The following AGO3 variants were observed in gnomAD, a reference collection of about 807,000 sequenced individuals.
The protein encoded by AGO3 is protein argonaute-3.
In AGO3, 16 loss-of-function variants were observed where a neutral mutation model predicts 105.5. The observed-to-expected ratio is 0.15, with a 90% CI of 0.10 to 0.23. The LOEUF is 0.23. Among genes scored for constraint, AGO3 ranks in the 10% least tolerant of loss-of-function variants. The probability of loss-of-function intolerance (pLI) is 1.00; values close to 1 mark genes in which losing one functional copy is unlikely to be tolerated. For synonymous variants in AGO3, 340 were observed against 367.3 expected, an observed-to-expected ratio of 0.93 and a Z score of 0.85; for missense variants, 534 against 1,088.0, an observed-to-expected ratio of 0.49 and a Z score of 7.16.
At position 35,931,461 on chromosome 1, in the gene AGO3, T is replaced by C; in HGVS notation, c.19+16T>C. 1 of 1,506,232 alleles carries C rather than the reference T, an allele frequency of 6.6e-7. No homozygotes were observed. Among genetic ancestry groups the C allele is most frequent in the Non-Finnish European group, 8.9e-7 (1 of 1,125,776 alleles). 93.3% of individuals were successfully genotyped at this position (1,506,232 alleles called of 1,614,324 possible). On this transcript the variant is annotated intron_variant, in intron 1 of 18. Transcript: ENST00000373191. ...GGCTCCGCAGGTGAGTCAGAGTAGC[T>C]GGGCCAGGTAGGGGATGTCACCCAG...
intron 9 of AGO3, among the ~76,000 whole-genome samples, chr1:36,010,736 G>A (rs1257072509): frequency 2.0e-5 from 3 of 151,818 alleles, no homozygotes; most frequent in African/African-American, 4.8e-5. Context: ...GAGAAACTCC[G>A]TGTCTACTAA....
rs187831332 is a variant in AGO3 at position 35,937,259 on chromosome 1, C to G, written c.19+5814C>G. 2.0e-5 allele frequency among the ~76,000 whole-genome samples: 3 copies of G among 151,986 alleles called. No individual in the cohort carries two copies. In the East Asian group the frequency reaches 5.8e-4, roughly 29 times the overall value. On this transcript the variant is annotated intron_variant, in intron 1 of 18. Coordinates refer to ENST00000373191, the MANE Select transcript of AGO3 (RefSeq NM_024852.4). ...TCTACTAAAAATACAAAAAATTAGCCGGGCATAGTGGCGGGTGCCTGTAAT... is the reference window on the plus strand; with the variant it reads ...TCTACTAAAAATACAAAAAATTAGCGGGGCATAGTGGCGGGTGCCTGTAAT...
chr1:35,971,046 T>A (rs11809890), intron 3 of AGO3, among the ~76,000 whole-genome samples: 8,252 of 123,400 alleles, frequency 0.067, 782 homozygotes, highest in African/African-American at 0.21. Flanking sequence ...ATATATATAT[T>A]TTTTATTATA....
At chr1:36,020,378 G>A (rs1329503072) in intron 11 of AGO3, among the ~76,000 whole-genome samples, 4 of 152,054 alleles carry the variant, frequency 2.6e-5, no homozygotes, top group African/African-American at 4.8e-5. Flanking sequence ...TATTTTCTTG[G>A]TATTCATTTA....
intron 12 of AGO3, among the ~76,000 whole-genome samples, chr1:36,028,391 T>TCCCCCCCCCCCCCCC (rs771926822): frequency 1.4e-4 from 8 of 57,156 alleles, no homozygotes; most frequent in South Asian, 7.2e-4. Flanking sequence ...ATGCTATCCC[T>TCCCCCCCCCCCCCCC]CCCCCCCCCC....
At position 36,067,882 on chromosome 1, in the gene AGO3, C is replaced by A. The variant is rs1643114899; in HGVS notation, c.*12137C>A. 6.6e-6 allele frequency: 1 copy of A among 151,606 alleles called. No individual in the cohort carries two copies. Among genetic ancestry groups the A allele is most frequent in the African/African-American group, 2.4e-5 (1 of 41,322 alleles). The allele number at this position is 151,606 out of a possible 1,614,324, so 9.4% of individuals were successfully genotyped here. A position where few individuals can be genotyped will look rare whatever the true frequency, so the allele number is the denominator to read the frequency against. ...ACTTAGAGGCAGTTGATATAGAATT[C>A]TACTGGGGGTAAATGACACTCTCAA... is the stretch of plus-strand genomic sequence containing the variant. On this transcript the variant is annotated 3_prime_UTR_variant, in exon 19 of 19. Coordinates refer to ENST00000373191, the MANE Select transcript of AGO3 (RefSeq NM_024852.4).
At chr1:36,052,591 T>C (rs1439612192) in intron 17 of AGO3, among the ~76,000 whole-genome samples, 1 of 152,218 alleles carries the variant, frequency 6.6e-6, no homozygotes, top group African/African-American at 2.4e-5. Context: ...GATATCCTAA[T>C]TACCCTGATT....
rs1472541213 is a variant in AGO3 at position 36,070,163 on chromosome 1, C to T, written c.*14418C>T. 1 of 152,184 alleles carries T rather than the reference C, an allele frequency of 6.6e-6. No homozygotes were observed. The highest frequency in any genetic ancestry group is 1.9e-4 in the East Asian group (1 of 5,202). The allele number at this position is 152,184 out of a possible 1,614,324, so 9.4% of individuals were successfully genotyped here. A position where few individuals can be genotyped will look rare whatever the true frequency, so the allele number is the denominator to read the frequency against. ...GTTAGCATCAGAGGCTATTGTACAA[C>T]TAGATGGTTATTCCCTGTTTCTTGG... On this transcript the variant is annotated 3_prime_UTR_variant, in exon 19 of 19. Coordinates refer to ENST00000373191, the MANE Select transcript of AGO3 (RefSeq NM_024852.4).
rs948129106 is a variant in AGO3, at chr1:36,062,007, C to A, written c.*6262C>A. 6.6e-6 allele frequency: 1 copy of A among 152,060 alleles called. No individual in the cohort carries two copies. The highest frequency in any genetic ancestry group is 1.5e-5 in the Non-Finnish European group (1 of 67,998). The allele number at this position is 152,060 out of a possible 1,614,324, so 9.4% of individuals were successfully genotyped here. A position where few individuals can be genotyped will look rare whatever the true frequency, so the allele number is the denominator to read the frequency against. ...GAAAACAAAATATTTAGTAGAATTA[C>A]CTCTTTTAATTCCCAACTGTGTTGG... is the stretch of plus-strand genomic sequence containing the variant. On this transcript the variant is annotated 3_prime_UTR_variant, in exon 19 of 19. Coordinates refer to ENST00000373191, the MANE Select transcript of AGO3 (RefSeq NM_024852.4).
intron 17 of AGO3, among the ~76,000 whole-genome samples, chr1:36,053,463 T>C (rs966983538): frequency 3.3e-5 from 5 of 152,052 alleles, no homozygotes; most frequent in Non-Finnish European, 7.4e-5. Context: ...GTATTTGTAG[T>C]AGAGAGGGGG....
At chr1:35,939,751 A>G (rs1355222859) in intron 1 of AGO3, among the ~76,000 whole-genome samples, 2 of 152,086 alleles carry the variant, frequency 1.3e-5, no homozygotes, top group African/African-American at 2.4e-5. Flanking sequence ...CTTTTTTATG[A>G]TATTTTACTA....
chr1:35,932,437 C>T lies in AGO3; in HGVS notation c.19+992C>T, dbSNP rs116427804. On this transcript the variant is annotated intron_variant, in intron 1 of 18. Coordinates refer to ENST00000373191, the MANE Select transcript of AGO3 (RefSeq NM_024852.4). ...TTTTGCCAATTTGATATAAGAAAAA[C>T]TTACGTAAAAGAAACCAGTGACATA... Among the ~76,000 whole-genome samples the T allele has an allele frequency of 6.3e-3, 955 of 152,158 alleles. 7 individuals carry two copies. Among genetic ancestry groups the T allele is most frequent in the African/African-American group, 0.022 (911 of 41,490 alleles).
At chr1:35,944,519 G>T (rs1571412721) in intron 1 of AGO3, among the ~76,000 whole-genome samples, 1 of 142,022 alleles carries the variant, frequency 7.0e-6, no homozygotes, top group African/African-American at 2.6e-5. Flanking sequence ...AATCAGTGTT[G>T]CCTAGATTTT....
chr1:35,973,686 G>T lies in AGO3; in HGVS notation c.658+175G>T, dbSNP rs757074755. 34 of 693,184 alleles carry T rather than the reference G, an allele frequency of 4.9e-5. 1 individual carries two copies. Among genetic ancestry groups the T allele is most frequent in the Non-Finnish European group, 6.5e-5 (33 of 504,236 alleles). 42.9% of individuals were successfully genotyped at this position (693,184 alleles called of 1,614,324 possible). On this transcript the variant is annotated intron_variant, in intron 5 of 18. Transcript: ENST00000373191. ...TTACATTTCATTTAGAAAGCCTGTA[G>T]AATTTACCTTGGAATGCTGCTAAAC...
At chr1:35,964,931 A>G (rs1353210309) in intron 2 of AGO3, among the ~76,000 whole-genome samples, 1 of 151,488 alleles carries the variant, frequency 6.6e-6, no homozygotes, top group Non-Finnish European at 1.5e-5. Context: ...TCTTCTTTTG[A>G]AGTGTCTGTT....
At chr1:35,975,837 A>G (rs551490821) in intron 5 of AGO3, among the ~76,000 whole-genome samples, 1 of 152,166 alleles carries the variant, frequency 6.6e-6, no homozygotes. Context: ...TTTTCTGTCA[A>G]AGAATATACT....
intron 13 of AGO3, 83 bp from the exon 14 acceptor site, chr1:36,036,094 G>C: frequency 8.2e-7 from 1 of 1,225,984 alleles, no homozygotes; most frequent in Non-Finnish European, 1.2e-6. Flanking sequence ...TCAATAACTT[G>C]AAGTTACGTT....
At chr1:35,983,843 A>G (rs1256709801) in intron 5 of AGO3, among the ~76,000 whole-genome samples, 1 of 152,168 alleles carries the variant, frequency 6.6e-6, no homozygotes, top group African/African-American at 2.4e-5. Context: ...CCATGTATCA[A>G]TGTTAACATG....
chr1:35,976,862 GTAT>G (rs1557660929), intron 5 of AGO3, among the ~76,000 whole-genome samples: 2 of 151,794 alleles, frequency 1.3e-5, no homozygotes, highest in Non-Finnish European at 2.9e-5. Context: ...TCAAGTTTTG[GTAT>G]TATTTCCTAA....
Sources: allele counts gnomAD v4.1 joint callset (sites outside exome capture counted in the v4.1 genomes callset), GRCh38; gene constraint gnomAD v4.1.1; transcripts MANE v1.5; gene names NCBI Gene and HGNC (gene_info 2026-07-23, HGNC 2026-07-21).